The following STXBP5 variants were observed in gnomAD, a reference collection of about 807,000 sequenced individuals.
STXBP5 encodes the protein syntaxin binding protein 5, also known as syntaxin-binding protein 5.
STXBP5 carries 50 observed loss-of-function variants against 152.4 expected under a neutral mutation model. The ratio of observed to expected loss-of-function variants is 0.33; its 90% confidence interval spans 0.26 to 0.42. STXBP5 has a LOEUF of 0.42. Among genes scored for constraint, STXBP5 ranks in the 10% least tolerant of loss-of-function variants. The pLI is 1.00. For synonymous variants in STXBP5, 492 were observed against 494.7 expected (o/e 0.99, Z 0.07); for missense variants, 1,167 against 1,388.6 (o/e 0.84, Z 2.54).
At chr6:147,312,392 G>A (rs929076996) in intron 11 of STXBP5, among the ~76,000 whole-genome samples, 5 of 152,200 alleles carry the variant, frequency 3.3e-5, no homozygotes, top group African/African-American at 1.2e-4. Flanking sequence ...GAATCATTAA[G>A]TATGGTTTTT....
chr6:147,252,185 C>T (rs1365407535), intron 4 of STXBP5, among the ~76,000 whole-genome samples: 1 of 152,106 alleles, frequency 6.6e-6, no homozygotes, highest in East Asian at 1.9e-4. Flanking sequence ...CAAAGGATCA[C>T]AACTCCTTGC....
chr6:147,275,474 TATTCCTC>T (rs1780390573), intron 7 of STXBP5, among the ~76,000 whole-genome samples: 1 of 151,836 alleles, frequency 6.6e-6, no homozygotes, highest in African/African-American at 2.4e-5. Context: ...ATCTGTCCTT[TATTCCTC>T]TTTCTAACAT....
chr6:147,380,289 C>CAGTGTGGT (rs948045769), intron 26 of STXBP5, among the ~76,000 whole-genome samples: 59 of 151,646 alleles, frequency 3.9e-4, no homozygotes, highest in African/African-American at 1.4e-3. Context: ...GTCATCAAGA[C>CAGTGTGGT]AGTGTGGTAC....
chr6:147,381,273 A>C (rs930666163), intron 26 of STXBP5, among the ~76,000 whole-genome samples: 2 of 152,200 alleles, frequency 1.3e-5, no homozygotes, highest in African/African-American at 4.8e-5. Flanking sequence ...AAATGAGTGC[A>C]TGAAAAGATC....
At chr6:147,371,463 C>T (rs1562274451) in intron 25 of STXBP5, among the ~76,000 whole-genome samples, 3 of 152,078 alleles carry the variant, frequency 2.0e-5, no homozygotes, top group African/African-American at 7.2e-5. Context: ...TGTACATACA[C>T]TATTGATGTC....
intron 7 of STXBP5, among the ~76,000 whole-genome samples, chr6:147,273,995 A>G (rs964528861): frequency 2.2e-4 from 34 of 152,130 alleles, no homozygotes; most frequent in East Asian, 1.9e-4. Context: ...AGCTCACAGC[A>G]CAGGAATCAT....
At chr6:147,332,733 C>T (rs564882989) in intron 18 of STXBP5, among the ~76,000 whole-genome samples, 1 of 152,170 alleles carries the variant, frequency 6.6e-6, no homozygotes, top group Non-Finnish European at 1.5e-5. Flanking sequence ...GAGATGAAGG[C>T]ACTGAATGGA....
chr6:147,320,890 A>G (rs1228989897), intron 16 of STXBP5, among the ~76,000 whole-genome samples: 2 of 152,092 alleles, frequency 1.3e-5, no homozygotes, highest in Non-Finnish European at 1.5e-5. Context: ...AAGATTGTAA[A>G]CATAGGGATT....
At chr6:147,232,752 T>C (rs1042773383) in intron 2 of STXBP5, among the ~76,000 whole-genome samples, 2 of 151,858 alleles carry the variant, frequency 1.3e-5, no homozygotes, top group African/African-American at 2.4e-5. Flanking sequence ...GTGGTTCTTA[T>C]TGTTTATTAA....
intron 6 of STXBP5, 22 bp downstream of exon 6, chr6:147,262,375 T>A (rs1252927930): frequency 7.0e-7 from 1 of 1,432,010 alleles, no homozygotes; most frequent in East Asian, 2.5e-5. Context: ...TGTAAAAAAT[T>A]ATATATTAAA....
intron 4 of STXBP5, 117 bp from the exon 5 acceptor site, chr6:147,260,498 A>T (rs1779590118): frequency 9.0e-7 from 1 of 1,109,510 alleles, no homozygotes; most frequent in Non-Finnish European, 1.3e-6. Context: ...GATAAATCTG[A>T]TGATTATATA....
At chr6:147,209,509 T>C (rs946094627) in intron 2 of STXBP5, among the ~76,000 whole-genome samples, 4 of 152,162 alleles carry the variant, frequency 2.6e-5, no homozygotes, top group Non-Finnish European at 4.4e-5. Context: ...AGTTTTTTTT[T>C]TCCTTACTAT....
intron 3 of STXBP5, among the ~76,000 whole-genome samples, chr6:147,236,767 AC>A (rs1778293823): frequency 6.8e-6 from 1 of 147,698 alleles, no homozygotes; most frequent in Non-Finnish European, 1.5e-5. Flanking sequence ...GCAACTATTA[AC>A]CTGTTCTGTC....
intron 2 of STXBP5, among the ~76,000 whole-genome samples, chr6:147,208,665 A>G (rs1472208541): frequency 6.6e-6 from 1 of 152,168 alleles, no homozygotes; most frequent in East Asian, 1.9e-4. Flanking sequence ...TTGCAGATTG[A>G]AAAGTAGGCG....
At position 147,239,286 on chromosome 6, in the gene STXBP5, G is replaced by C; in HGVS notation, c.431+16G>C. On this transcript the variant is annotated intron_variant, in intron 4 of 27. Transcript: ENST00000321680. ...GCAGAGAAAGGTAAGAATTCTCCCAGTTATCTTATGTATAGGATATTTACT... is the reference window on the plus strand; with the variant it reads ...GCAGAGAAAGGTAAGAATTCTCCCACTTATCTTATGTATAGGATATTTACT... 1 of 1,595,820 alleles carries C rather than the reference G, an allele frequency of 6.3e-7. No individual in the cohort carries two copies. The highest frequency in any genetic ancestry group is 8.6e-7 in the Non-Finnish European group (1 of 1,164,228).
At chr6:147,354,834 G>A (rs777474001) in intron 22 of STXBP5, among the ~76,000 whole-genome samples, 1 of 152,124 alleles carries the variant, frequency 6.6e-6, no homozygotes, top group Non-Finnish European at 1.5e-5. Flanking sequence ...TTTGACTAAT[G>A]TATACCTGTA....
intron 2 of STXBP5, among the ~76,000 whole-genome samples, chr6:147,222,824 C>T (rs1042258329): frequency 2.6e-5 from 4 of 152,248 alleles, no homozygotes; most frequent in African/African-American, 9.6e-5. Flanking sequence ...GTGGGGACAT[C>T]TCTATGACTG....
chr6:147,341,797 G>T (rs550343494), intron 21 of STXBP5, among the ~76,000 whole-genome samples: 4 of 152,166 alleles, frequency 2.6e-5, no homozygotes, highest in African/African-American at 4.8e-5. Context: ...TACAGCTGAG[G>T]TAGCTGAGAC....
intron 19 of STXBP5, among the ~76,000 whole-genome samples, chr6:147,336,303 G>T (rs946230550): frequency 1.3e-5 from 2 of 152,066 alleles, no homozygotes; most frequent in African/African-American, 4.8e-5. Flanking sequence ...TTTATAGCTT[G>T]TGTGTGTCTT....
Sources: allele counts gnomAD v4.1 joint callset (sites outside exome capture counted in the v4.1 genomes callset), GRCh38; gene constraint gnomAD v4.1.1; transcripts MANE v1.5; gene names NCBI Gene and HGNC (gene_info 2026-07-23, HGNC 2026-07-21).